NTM: variants seen among roughly 807,000 people sequenced by gnomAD.
The protein encoded by NTM is IgLON family member 2.
NTM carries 13 observed loss-of-function variants against 42.1 expected under a neutral mutation model. The observed-to-expected ratio is 0.31, with a 90% CI of 0.20 to 0.49. The LOEUF (loss-of-function observed/expected upper bound fraction) is 0.49, where lower values mean the gene tolerates loss of function less well. Among genes scored for constraint, NTM ranks in the 20% least tolerant of loss-of-function variants. The pLI, the probability that NTM is intolerant of heterozygous loss-of-function variation, is 0.99. For synonymous variants in NTM, 187 were observed against 179.2 expected (o/e 1.04, Z -0.35); for missense variants, 373 against 452.8 (o/e 0.82, Z 1.60).
At chr11:131,664,086 G>A (rs538738143) in intron 1 of NTM, among the ~76,000 whole-genome samples, 2 of 152,326 alleles carry the variant, frequency 1.3e-5, no homozygotes, top group African/African-American at 2.4e-5. Context: ...CCAAATTCTT[G>A]ACTGCTAGGC....
chr11:131,662,005 G>T (rs2134478450), intron 1 of NTM: 1 of 152,254 alleles, frequency 6.6e-6, no homozygotes, highest in African/African-American at 2.4e-5. Flanking sequence ...AACAGAAAGG[G>T]GAAAAAGACA....
chr11:132,048,038 G>GCAGACA (rs2078263474), intron 2 of NTM, among the ~76,000 whole-genome samples: 1 of 151,744 alleles, frequency 6.6e-6, no homozygotes, highest in South Asian at 2.1e-4. Flanking sequence ...GTCTGCGTGT[G>GCAGACA]TACATGGGCT....
chr11:131,569,554 CTT>C (rs2057246073), intron 1 of NTM, among the ~76,000 whole-genome samples: 2 of 148,726 alleles, frequency 1.3e-5, no homozygotes, highest in African/African-American at 2.5e-5. Context: ...TCTATCTTAA[CTT>C]TTCTTTTTTT....
At chr11:132,223,876 G>C (rs1343047982) in intron 4 of NTM, among the ~76,000 whole-genome samples, 1 of 152,130 alleles carries the variant, frequency 6.6e-6, no homozygotes, top group Non-Finnish European at 1.5e-5. Flanking sequence ...GAGAAGATGA[G>C]GCCAGGTAGG....
At chr11:132,085,774 A>G (rs2059625577) in intron 2 of NTM, among the ~76,000 whole-genome samples, 1 of 152,142 alleles carries the variant, frequency 6.6e-6, no homozygotes. Context: ...AAATCTCCTA[A>G]TTGGATTATT....
At chr11:131,533,464 G>A (rs936595323) in intron 1 of NTM, among the ~76,000 whole-genome samples, 1 of 152,158 alleles carries the variant, frequency 6.6e-6, no homozygotes, top group Non-Finnish European at 1.5e-5. Context: ...TGAAATGGGG[G>A]GCCTGGGCCT....
At chr11:132,141,385 A>G (rs2069123402) in intron 2 of NTM, among the ~76,000 whole-genome samples, 1 of 152,240 alleles carries the variant, frequency 6.6e-6, no homozygotes, top group African/African-American at 2.4e-5. Flanking sequence ...GGCTTGCTTA[A>G]TCATTTGTTT....
chr11:131,489,179 A>G (rs1224569161), intron 1 of NTM, among the ~76,000 whole-genome samples: 2 of 152,084 alleles, frequency 1.3e-5, no homozygotes, highest in Non-Finnish European at 2.9e-5. Context: ...CTTTTGGTTG[A>G]TTCCACCTTC....
intron 3 of NTM, among the ~76,000 whole-genome samples, chr11:132,198,755 A>G (rs2080699914): frequency 6.6e-6 from 1 of 152,220 alleles, no homozygotes; most frequent in South Asian, 2.1e-4. Flanking sequence ...TATCAAGCAT[A>G]ATTAGAGAGA....
At chr11:132,104,937 GTATATATATATATATATATATA>G (rs534897526) in intron 2 of NTM, among the ~76,000 whole-genome samples, 1,398 of 61,846 alleles carry the variant, frequency 0.023, 176 homozygotes, top group South Asian at 0.15. Flanking sequence ...ATATACATAT[GTATATATATATATATATATATA>G]TATATATATA....
chr11:132,200,300 G>A (rs771664824), intron 3 of NTM, among the ~76,000 whole-genome samples: 66 of 152,172 alleles, frequency 4.3e-4, no homozygotes, highest in Non-Finnish European at 1.0e-4. Flanking sequence ...TAAGACGGTG[G>A]TCACAAGGAG....
intron 2 of NTM, among the ~76,000 whole-genome samples, chr11:131,926,042 A>G (rs2057906201): frequency 6.6e-6 from 1 of 152,084 alleles, no homozygotes; most frequent in Admixed American, 6.5e-5. Context: ...GAGCTGTTCT[A>G]GGTGCTAAGT....
intron 3 of NTM, among the ~76,000 whole-genome samples, chr11:132,208,603 C>T (rs2082347868): frequency 6.6e-6 from 1 of 152,170 alleles, no homozygotes; most frequent in African/African-American, 2.4e-5. Flanking sequence ...TGGCCCAAAC[C>T]ACCTTCTGTC....
At position 132,314,597 on chromosome 11, in the gene NTM, CCT is replaced by C; in HGVS notation, c.832_833del (p.Ser278LysfsTer9). 1 of 1,613,782 alleles carries C rather than the reference CCT, an allele frequency of 6.2e-7. No individual in the cohort carries two copies. The highest frequency in any genetic ancestry group is 8.5e-7 in the Non-Finnish European group (1 of 1,179,828). On this transcript the variant is annotated frameshift_variant, in exon 7 of 9. Transcript: ENST00000683400. LOFTEE classifies it high-confidence loss of function. ...KGVKVENRPF[L>X]SKLIFFNVSE... ...GGGTGAAAGTGGAAAACAGACCTTT[CCT>C]CTCAAAACTCATCTTCTTCAATGTC...
At chr11:131,744,132 TTCCCC>T (rs1404106334) in intron 1 of NTM, among the ~76,000 whole-genome samples, 1 of 152,334 alleles carries the variant, frequency 6.6e-6, no homozygotes, top group Non-Finnish European at 1.5e-5. Flanking sequence ...CTTTCCTGAT[TTCCCC>T]ATCTGTGAAT....
chr11:131,503,979 G>T (rs1291534760), intron 1 of NTM, among the ~76,000 whole-genome samples: 1 of 152,150 alleles, frequency 6.6e-6, no homozygotes, highest in South Asian at 2.1e-4. Flanking sequence ...TTAAGGCCAG[G>T]CGGGTCAGAG....
intron 1 of NTM, among the ~76,000 whole-genome samples, chr11:131,779,284 C>G (rs994021115): frequency 6.6e-6 from 1 of 152,178 alleles, no homozygotes; most frequent in African/African-American, 2.4e-5. Context: ...GCAGAGAACT[C>G]AGGAAATTAT....
chr11:131,755,638 G>T (rs2083233426), intron 1 of NTM, among the ~76,000 whole-genome samples: 1 of 152,280 alleles, frequency 6.6e-6, no homozygotes, highest in East Asian at 1.9e-4. Flanking sequence ...AACTTTTCCA[G>T]CATGGTGTAT....
Position 132,176,722 on chromosome 11 carries a change from G to GTTTTTTTTTTT in NTM, c.400+30222_400+30232dup, listed in dbSNP as rs148699196. Among the ~76,000 whole-genome samples, 4 of 82,014 alleles carry GTTTTTTTTTTT rather than the reference G, an allele frequency of 4.9e-5. 1 individual carries two copies. Among genetic ancestry groups the GTTTTTTTTTTT allele is most frequent in the East Asian group, 3.9e-4 (1 of 2,554 alleles). The allele number at this position is 82,014 out of a possible 152,430, so 53.8% of individuals were successfully genotyped here. On this transcript the variant is annotated intron_variant, in intron 3 of 8. Transcript: ENST00000683400. ...TCCTAGTTGAGTATACATGCCTAAA[G>GTTTTTTTTTTT]TTTTTTTTTTTTTTTTTTTTTTTTA...
Sources: allele counts gnomAD v4.1 joint callset (sites outside exome capture counted in the v4.1 genomes callset), GRCh38; gene constraint gnomAD v4.1.1; transcripts MANE v1.5; gene names NCBI Gene and HGNC (gene_info 2026-07-23, HGNC 2026-07-21).